Variants in EYS observed in about 807,000 individuals in gnomAD.
EYS encodes the protein protein eyes shut homolog.
In EYS, 250 loss-of-function variants were observed where a neutral mutation model predicts 282.1. The observed-to-expected ratio is 0.89, with a 90% CI of 0.80 to 0.98. EYS has a LOEUF of 0.98. Ranked by LOEUF, EYS falls within the 50% of genes least tolerant of loss-of-function variation. The pLI is 0.00. For missense variants in EYS, 4,016 were observed against 3,709.0 expected (o/e 1.08, Z -2.15); for synonymous variants, 1,355 against 1,282.9 (o/e 1.06, Z -1.20).
intron 31 of EYS, among the ~76,000 whole-genome samples, chr6:64,154,871 G>T (rs772412757): frequency 1.0e-3 from 159 of 152,148 alleles, no homozygotes; most frequent in African/African-American, 2.9e-3. Context: ...CTCTACCCAT[G>T]AAAACACATG....
intron 32 of EYS, among the ~76,000 whole-genome samples, chr6:64,074,394 G>A (rs1771694268): frequency 6.6e-6 from 1 of 151,102 alleles, no homozygotes; most frequent in South Asian, 2.1e-4. Flanking sequence ...TGATATTCTA[G>A]TCACCTATTT....
chr6:64,622,026 G>A (rs1370596984), intron 23 of EYS, among the ~76,000 whole-genome samples: 1 of 152,108 alleles, frequency 6.6e-6, no homozygotes, highest in Non-Finnish European at 1.5e-5. Flanking sequence ...TACCTATATT[G>A]ATACTTCATT....
intron 33 of EYS, among the ~76,000 whole-genome samples, chr6:64,004,869 AT>A (rs1768269324): frequency 1.3e-5 from 2 of 152,130 alleles, no homozygotes; most frequent in Non-Finnish European, 2.9e-5. Flanking sequence ...TACCACTGAT[AT>A]GCATTTAGGT....
chr6:64,100,221 G>T (rs1772779052), intron 31 of EYS, among the ~76,000 whole-genome samples: 1 of 151,888 alleles, frequency 6.6e-6, no homozygotes, highest in Admixed American at 6.6e-5. Context: ...TTGCATATTT[G>T]CTTTGTCTCT....
chr6:64,233,064 A>C, intron 30 of EYS, among the ~76,000 whole-genome samples: 1 of 152,190 alleles, frequency 6.6e-6, no homozygotes, highest in East Asian at 1.9e-4. Context: ...GCAGTCTGTC[A>C]CCACTTTCTC....
intron 33 of EYS, among the ~76,000 whole-genome samples, chr6:64,006,477 A>G (rs970342472): frequency 1.3e-5 from 2 of 152,018 alleles, no homozygotes; most frequent in Non-Finnish European, 2.9e-5. Flanking sequence ...GATGACTTTT[A>G]TTTCTTACTC....
At chr6:65,513,826 C>G (rs1198756940) in intron 2 of EYS, among the ~76,000 whole-genome samples, 1 of 151,690 alleles carries the variant, frequency 6.6e-6, no homozygotes, top group African/African-American at 2.4e-5. Context: ...AAACCCACAG[C>G]CGACATCATA....
At chr6:64,736,896 T>A (rs1465899649) in intron 22 of EYS, among the ~76,000 whole-genome samples, 1 of 151,942 alleles carries the variant, frequency 6.6e-6, no homozygotes, top group African/African-American at 2.4e-5. Flanking sequence ...CAAAGAAAAA[T>A]TGTATAAAAA....
chr6:63,866,023 C>A (rs1290793256), intron 35 of EYS, among the ~76,000 whole-genome samples: 1 of 152,052 alleles, frequency 6.6e-6, no homozygotes, highest in South Asian at 2.1e-4. Context: ...CTACACATTG[C>A]AGACAGATAT....
intron 12 of EYS, among the ~76,000 whole-genome samples, chr6:65,152,946 T>TA (rs1764647212): frequency 6.7e-6 from 1 of 148,534 alleles, no homozygotes; most frequent in Non-Finnish European, 1.5e-5. Context: ...ATGCCAATAA[T>TA]ACACAAGAGC....
chr6:63,950,721 C>G (rs1406043698), intron 35 of EYS, among the ~76,000 whole-genome samples: 1 of 152,188 alleles, frequency 6.6e-6, no homozygotes, highest in Non-Finnish European at 1.5e-5. Context: ...CAAGGAACAT[C>G]TCACCAATTT....
At chr6:65,085,404 G>T (rs1774337235) in intron 12 of EYS, among the ~76,000 whole-genome samples, 1 of 152,060 alleles carries the variant, frequency 6.6e-6, no homozygotes, top group African/African-American at 2.4e-5. Context: ...TCAGTGGAAA[G>T]AACATCTGTA....
chr6:65,414,592 T>A lies in EYS; in HGVS notation c.863-9225A>T, dbSNP rs192980028. On this transcript the variant is annotated intron_variant, in intron 5 of 42. Coordinates refer to ENST00000503581, the MANE Select transcript of EYS (RefSeq NM_001142800.2). ...AGGAAGATTTAATCTTTTTTTTTTATGTAAGTAACCAGAAAGAAAGGATTA... is the reference window on the plus strand; with the variant it reads ...AGGAAGATTTAATCTTTTTTTTTTAAGTAAGTAACCAGAAAGAAAGGATTA... 4.6e-3 allele frequency among the ~76,000 whole-genome samples: 703 copies of A among 152,186 alleles called. 6 individuals carry two copies. Among genetic ancestry groups the A allele is most frequent in the African/African-American group, 0.016 (669 of 41,540 alleles).
At chr6:65,459,563 GA>G (rs1562197619) in intron 5 of EYS, among the ~76,000 whole-genome samples, 2 of 151,834 alleles carry the variant, frequency 1.3e-5, no homozygotes, top group African/African-American at 4.8e-5. Context: ...TTTAATGAAT[GA>G]AAAGATAAAA....
At position 63,942,058 on chromosome 6, in the gene EYS, T is replaced by G. The variant is rs1041678812; in HGVS notation, c.7055+42325A>C. 7.2e-5 allele frequency among the ~76,000 whole-genome samples: 11 copies of G among 152,188 alleles called. No homozygotes were observed. In the East Asian group the frequency reaches 2.1e-3, roughly 29 times the overall value. On this transcript the variant is annotated intron_variant, in intron 35 of 42. Transcript: ENST00000503581. ...ACTTGTATTGAAGTAGTCTACATAG[T>G]TTTTAGGAAAACATGATGTCTCTAA... is the stretch of plus-strand genomic sequence containing the variant.
At chr6:64,642,306 T>G (rs552272518) in intron 22 of EYS, among the ~76,000 whole-genome samples, 1 of 152,358 alleles carries the variant, frequency 6.6e-6, no homozygotes, top group Non-Finnish European at 1.5e-5. Flanking sequence ...TTAATAAACT[T>G]TTTTAATAAT....
intron 35 of EYS, among the ~76,000 whole-genome samples, chr6:63,868,359 G>T (rs1475485798): frequency 6.6e-6 from 1 of 152,020 alleles, no homozygotes; most frequent in Non-Finnish European, 1.5e-5. Context: ...AAAGAAGCTG[G>T]CTTGAAAAGG....
rs149837458 is a variant in EYS at position 64,539,581 on chromosome 6, G to A, written c.5644+50642C>T. Among the ~76,000 whole-genome samples, 241 of 152,082 alleles carry A rather than the reference G, an allele frequency of 1.6e-3. 1 individual carries two copies. The highest frequency in any genetic ancestry group is 5.6e-3 in the African/African-American group (231 of 41,514). ...GTGAGACCCTGTCTTAAAGAAGCCAGAAAAACAAAACAAAAAATGGAATCT... is the reference window on the plus strand; with the variant it reads ...GTGAGACCCTGTCTTAAAGAAGCCAAAAAAACAAAACAAAAAATGGAATCT... On this transcript the variant is annotated intron_variant, in intron 26 of 42. Transcript: ENST00000503581.
chr6:64,039,815 A>G (rs1380934039), intron 33 of EYS, among the ~76,000 whole-genome samples: 7 of 152,320 alleles, frequency 4.6e-5, no homozygotes, highest in African/African-American at 9.6e-5. Context: ...GAAAATTCTC[A>G]TAATTTCCCT....
Sources: gnomAD v4.1 joint callset for allele counts (sites outside exome capture counted in the v4.1 genomes callset) on GRCh38, gnomAD v4.1.1 for gene constraint, MANE v1.5 for transcripts, NCBI Gene and HGNC (gene_info 2026-07-23, HGNC 2026-07-21) for gene names.